RORA: variants seen among roughly 807,000 people sequenced by gnomAD.
The protein encoded by RORA is RAR related orphan receptor A.
A neutral mutation model predicts 69.5 loss-of-function variants in RORA; 7 were observed. The observed-to-expected ratio is 0.10, with a 90% CI of 0.06 to 0.19. The LOEUF (loss-of-function observed/expected upper bound fraction) is 0.19. Ranked by LOEUF, RORA falls within the 10% of genes least tolerant of loss-of-function variation. RORA has a pLI of 1.00. For missense variants in RORA, 457 were observed against 663.0 expected, an observed-to-expected ratio of 0.69 and a Z score of 3.41; for synonymous variants, 261 against 240.8, an observed-to-expected ratio of 1.08 and a Z score of -0.78.
At chr15:61,210,618 G>A (rs1449361372) in intron 1 of RORA, among the ~76,000 whole-genome samples, 3 of 152,108 alleles carry the variant, frequency 2.0e-5, no homozygotes, top group African/African-American at 7.2e-5. Context: ...TGTCAAGGTG[G>A]GCTAAAGCTA....
intron 1 of RORA, among the ~76,000 whole-genome samples, chr15:60,822,451 G>A (rs546201583): frequency 5.3e-5 from 8 of 152,184 alleles, no homozygotes; most frequent in Non-Finnish European, 8.8e-5. Context: ...TTTAACCTCA[G>A]TGGAAACGCT....
chr15:61,034,788 CAAAAAAAAA>C (rs33933996), intron 1 of RORA, among the ~76,000 whole-genome samples: 3 of 83,008 alleles, frequency 3.6e-5, no homozygotes, highest in South Asian at 4.8e-4. Context: ...CATCACAGAC[CAAAAAAAAA>C]AAAAAAAAAA....
chr15:60,908,311 C>A (rs1891603741), intron 1 of RORA, among the ~76,000 whole-genome samples: 1 of 152,110 alleles, frequency 6.6e-6, no homozygotes, highest in Admixed American at 6.6e-5. Context: ...AATATGTTTT[C>A]CCTTGATTCT....
chr15:60,715,547 C>A (rs1193342150), intron 1 of RORA, among the ~76,000 whole-genome samples: 1 of 152,168 alleles, frequency 6.6e-6, no homozygotes, highest in African/African-American at 2.4e-5. Context: ...CAACTTCATT[C>A]ATTCCTGAAG....
At chr15:61,116,266 G>C (rs759374490) in intron 1 of RORA, among the ~76,000 whole-genome samples, 1 of 152,174 alleles carries the variant, frequency 6.6e-6, no homozygotes, top group South Asian at 2.1e-4. Flanking sequence ...GCTCAACCAA[G>C]AGATGACTCC....
intron 1 of RORA, among the ~76,000 whole-genome samples, chr15:60,681,239 A>G (rs889025827): frequency 6.6e-6 from 1 of 152,248 alleles, no homozygotes; most frequent in Non-Finnish European, 1.5e-5. Context: ...TTTAATTGGC[A>G]TAATAAGACA....
chr15:61,098,932 C>G (rs1173114264), intron 1 of RORA, among the ~76,000 whole-genome samples: 1 of 152,114 alleles, frequency 6.6e-6, no homozygotes, highest in East Asian at 1.9e-4. Flanking sequence ...TGAATACTTC[C>G]AAAGGTTCCG....
intron 1 of RORA, among the ~76,000 whole-genome samples, chr15:60,812,221 A>C (rs2072754172): frequency 6.6e-6 from 1 of 152,212 alleles, no homozygotes; most frequent in South Asian, 2.1e-4. Flanking sequence ...AATTAAATGA[A>C]AGCAAGGTGC....
chr15:61,064,289 G>A (rs183454798), intron 1 of RORA, among the ~76,000 whole-genome samples: 90 of 152,268 alleles, frequency 5.9e-4, no homozygotes, highest in Admixed American at 2.1e-3. Context: ...GTTTCCATCC[G>A]CGAAGGTTGT....
chr15:60,701,287 C>G lies in RORA; in HGVS notation c.167-22601G>C, dbSNP rs576673630. Among the ~76,000 whole-genome samples, 157 of 152,250 alleles carry G rather than the reference C, an allele frequency of 1.0e-3. 1 individual carries two copies. The highest frequency in any genetic ancestry group is 3.6e-3 in the African/African-American group (149 of 41,540). On this transcript the variant is annotated intron_variant, in intron 1 of 10. Coordinates refer to ENST00000335670, the MANE Select transcript of RORA (RefSeq NM_134261.3). ...ATATTTGCTGAATGAATCAAATGTG[C>G]CTTCAGGAAAGGTACAGCTTTATGC...
chr15:61,224,297 A>C (rs2080126192), intron 1 of RORA, among the ~76,000 whole-genome samples: 1 of 152,236 alleles, frequency 6.6e-6, no homozygotes, highest in African/African-American at 2.4e-5. Context: ...ACAGCCAGAT[A>C]TGTCATAATA....
At chr15:61,043,649 G>A (rs73424340) in intron 1 of RORA, among the ~76,000 whole-genome samples, 1,538 of 152,082 alleles carry the variant, frequency 0.01, 26 homozygotes, top group African/African-American at 0.034. Flanking sequence ...TCCCTCCCAC[G>A]GCAGGTACAT....
intron 1 of RORA, among the ~76,000 whole-genome samples, chr15:60,772,226 A>G (rs1235564826): frequency 5.9e-5 from 9 of 151,450 alleles, no homozygotes; most frequent in African/African-American, 2.2e-4. Flanking sequence ...CCCCCCTGAC[A>G]GGCCGCGGTG....
At chr15:61,161,236 T>C (rs2079493361) in intron 1 of RORA, among the ~76,000 whole-genome samples, 1 of 152,214 alleles carries the variant, frequency 6.6e-6, no homozygotes, top group Non-Finnish European at 1.5e-5. Flanking sequence ...ACTGCTCTTG[T>C]GGACTATCTT....
intron 1 of RORA, among the ~76,000 whole-genome samples, chr15:60,779,904 G>A (rs2072229458): frequency 6.6e-6 from 1 of 152,180 alleles, no homozygotes; most frequent in African/African-American, 2.4e-5. Flanking sequence ...GAAGGGTGGA[G>A]ACACTCAGAT....
intron 2 of RORA, among the ~76,000 whole-genome samples, chr15:60,614,344 G>A (rs143356969): frequency 6.6e-6 from 1 of 152,234 alleles, no homozygotes; most frequent in Non-Finnish European, 1.5e-5. Flanking sequence ...TCAGCTGAGG[G>A]GAGCAGACCT....
intron 1 of RORA, among the ~76,000 whole-genome samples, chr15:60,693,812 A>G (rs1317305447): frequency 2.0e-5 from 3 of 152,210 alleles, no homozygotes; most frequent in Non-Finnish European, 4.4e-5. Flanking sequence ...ACAAATGGAG[A>G]AACATTCCAT....
intron 1 of RORA, among the ~76,000 whole-genome samples, chr15:61,169,576 C>A (rs993753391): frequency 6.6e-6 from 1 of 151,630 alleles, no homozygotes; most frequent in African/African-American, 2.4e-5. Flanking sequence ...GAGGCCTTCT[C>A]CAGCCTTTCT....
At chr15:60,684,509 C>T (rs1158938324) in intron 1 of RORA, among the ~76,000 whole-genome samples, 2 of 152,028 alleles carry the variant, frequency 1.3e-5, no homozygotes, top group South Asian at 2.1e-4. Flanking sequence ...CCCAGCTACT[C>T]GGGAGACTGA....
Sources: gnomAD v4.1 joint callset for allele counts (sites outside exome capture counted in the v4.1 genomes callset) on GRCh38, gnomAD v4.1.1 for gene constraint, MANE v1.5 for transcripts, NCBI Gene and HGNC (gene_info 2026-07-23, HGNC 2026-07-21) for gene names.